Variants in DNAH11 observed in about 807,000 individuals in gnomAD.
DNAH11 encodes dynein axonemal heavy chain 11.
In DNAH11, 442 loss-of-function variants were observed where a neutral mutation model predicts 526.0. The ratio of observed to expected loss-of-function variants is 0.84; its 90% CI spans 0.78 to 0.91. The LOEUF (loss-of-function observed/expected upper bound fraction) is 0.91. Among genes scored for constraint, DNAH11 ranks in the 40% least tolerant of loss-of-function variants. The pLI is 0.00. For synonymous variants in DNAH11, 2,461 were observed against 1,935.9 expected (o/e 1.27, Z -7.12); for missense variants, 6,989 against 5,448.7 (o/e 1.28, Z -8.90).
chr7:21,675,987 G>C (rs938246420), intron 30 of DNAH11, among the ~76,000 whole-genome samples: 1 of 152,182 alleles, frequency 6.6e-6, no homozygotes, highest in Non-Finnish European at 1.5e-5. Flanking sequence ...AAGGATTAGA[G>C]GGAAGATGAC....
rs188273147 is a variant in DNAH11 at position 21,811,295 on chromosome 7, C to T, written c.10332+3246C>T. On this transcript the variant is annotated intron_variant, in intron 63 of 81. Transcript: ENST00000409508. ...CTGGCCAACATGGTGAAACCCCCCC[C>T]CCTACTAAAAATTAGCCAGGCGTGG... Among the ~76,000 whole-genome samples, 6 of 151,390 alleles carry T rather than the reference C, an allele frequency of 4.0e-5. No individual in the cohort carries two copies. In the South Asian group the frequency reaches 1.0e-3, roughly 26 times the overall value.
At chr7:21,691,910 A>G (rs1178394563) in intron 35 of DNAH11, among the ~76,000 whole-genome samples, 1 of 152,206 alleles carries the variant, frequency 6.6e-6, no homozygotes, top group Admixed American at 6.5e-5. Context: ...TTATTTCAGA[A>G]TAGATTTCTA....
intron 74 of DNAH11, among the ~76,000 whole-genome samples, chr7:21,876,363 A>C (rs572406614): frequency 3.8e-4 from 58 of 152,230 alleles, no homozygotes; most frequent in African/African-American, 1.3e-3. Flanking sequence ...AAAATGTTAG[A>C]GTCTTTTATG....
chr7:21,664,130 C>T, intron 30 of DNAH11, among the ~76,000 whole-genome samples: 1 of 103,072 alleles, frequency 9.7e-6, no homozygotes. Flanking sequence ...CTCAATTTCC[C>T]AAAGTTTTTT....
chr7:21,558,429 A>G (rs541267844), intron 2 of DNAH11, among the ~76,000 whole-genome samples: 96 of 152,338 alleles, frequency 6.3e-4, no homozygotes, highest in African/African-American at 2.3e-3. Flanking sequence ...ATTTACTTCT[A>G]GCTTCCATAT....
chr7:21,681,781 A>G (rs190021850), intron 31 of DNAH11, 104 bp downstream of exon 31: 492 of 1,398,288 alleles, frequency 3.5e-4, no homozygotes, highest in Non-Finnish European at 4.5e-4. Flanking sequence ...GAAAGTTTGT[A>G]TGTTTTAATT....
At chr7:21,603,390 G>A (rs1001293813) in intron 18 of DNAH11, among the ~76,000 whole-genome samples, 3 of 152,136 alleles carry the variant, frequency 2.0e-5, no homozygotes, top group Non-Finnish European at 4.4e-5. Flanking sequence ...ATTTATTTGA[G>A]TATCTGTTTT....
chr7:21,733,095 A>C (rs1385837541), intron 45 of DNAH11, among the ~76,000 whole-genome samples: 2 of 152,176 alleles, frequency 1.3e-5, no homozygotes, highest in Non-Finnish European at 2.9e-5. Context: ...AGCAAAGAAG[A>C]AGCAGGGAAG....
At chr7:21,635,456 T>A (rs1786817009) in intron 25 of DNAH11, among the ~76,000 whole-genome samples, 2 of 152,110 alleles carry the variant, frequency 1.3e-5, no homozygotes, top group Admixed American at 6.5e-5. Context: ...GTGCCCGGCC[T>A]ATTTTTTTAA....
At chr7:21,564,715 G>A (rs1375296972) in intron 6 of DNAH11, among the ~76,000 whole-genome samples, 2 of 152,012 alleles carry the variant, frequency 1.3e-5, no homozygotes, top group East Asian at 3.9e-4. Context: ...CCTTCCCTTC[G>A]GTTTTCACAG....
intron 63 of DNAH11, among the ~76,000 whole-genome samples, chr7:21,809,685 T>G (rs774431093): frequency 1.3e-5 from 2 of 152,086 alleles, no homozygotes; most frequent in Admixed American, 6.6e-5. Flanking sequence ...TGCCTCAGCC[T>G]CCCAAGTAGC....
chr7:21,760,170 C>G (rs964229813), intron 54 of DNAH11, among the ~76,000 whole-genome samples: 2 of 152,076 alleles, frequency 1.3e-5, no homozygotes, highest in South Asian at 2.1e-4. Context: ...TTAGGTACTT[C>G]GAGGTAGATG....
Position 21,784,598 on chromosome 7 carries a change from A to T in DNAH11, c.9597+58A>T, listed in dbSNP as rs1788093817. The T allele has an allele frequency of 6.4e-6, 8 of 1,254,378 alleles. No homozygotes were observed. In the South Asian group the frequency reaches 1.1e-4, roughly 17 times the overall value. 77.7% of individuals were successfully genotyped at this position (1,254,378 alleles called of 1,614,324 possible). ...CAAAGTAATATTTAAAGGTTATTAGAGTTTGAATAACTGAGCTGAGAGAGT... is the reference window on the plus strand; with the variant it reads ...CAAAGTAATATTTAAAGGTTATTAGTGTTTGAATAACTGAGCTGAGAGAGT... On this transcript the variant is annotated intron_variant, in intron 58 of 81. Transcript: ENST00000409508.
chr7:21,707,687 C>T lies in DNAH11; in HGVS notation c.6547-12C>T. On this transcript the variant is annotated splice_polypyrimidine_tract_variant and intron_variant, in intron 39 of 81. Coordinates refer to ENST00000409508, the MANE Select transcript of DNAH11 (RefSeq NM_001277115.2). ...GTATTAATTTTTTTGGCTCTTTCCT[C>T]CTTCCCCTCAGATTTTGAGAACACT... 6.2e-7 allele frequency: 1 copy of T among 1,602,754 alleles called. No homozygotes were observed. Among genetic ancestry groups the T allele is most frequent in the Non-Finnish European group, 8.5e-7 (1 of 1,176,490 alleles).
In DNAH11 at chr7:21,810,629, C is replaced by T. The variant is rs183226744; in HGVS notation, c.10332+2580C>T. On this transcript the variant is annotated intron_variant, in intron 63 of 81. Coordinates refer to ENST00000409508, the MANE Select transcript of DNAH11 (RefSeq NM_001277115.2). ...CCACACAGCTTTAAGAAACCCAAGA[C>T]GTATTTGGACAAGATAAGTTTATAA... 4.4e-3 allele frequency among the ~76,000 whole-genome samples: 676 copies of T among 152,158 alleles called. 1 individual carries two copies. Among genetic ancestry groups the T allele is most frequent in the Non-Finnish European group, 6.7e-3 (458 of 68,008 alleles).
chr7:21,849,297 C>A (rs1444639952), intron 66 of DNAH11, among the ~76,000 whole-genome samples: 3 of 152,168 alleles, frequency 2.0e-5, no homozygotes, highest in Non-Finnish European at 2.9e-5. Flanking sequence ...TCATTCATTT[C>A]GTTTATCCAT....
intron 9 of DNAH11, 48 bp downstream of exon 9, chr7:21,582,069 T>A (rs373568375): frequency 8.2e-7 from 1 of 1,226,764 alleles, no homozygotes; most frequent in Admixed American, 1.7e-5. Context: ...ATGAATAATA[T>A]AGGCTGTTAA....
At chr7:21,834,834 G>T (rs1427221085) in intron 65 of DNAH11, among the ~76,000 whole-genome samples, 1 of 151,968 alleles carries the variant, frequency 6.6e-6, no homozygotes, top group African/African-American at 2.4e-5. Flanking sequence ...CTCCAGCCTG[G>T]GTGACAGAGT....
At chr7:21,616,362 C>A (rs1785784527) in intron 22 of DNAH11, 70 bp downstream of exon 22, 5 of 1,263,114 alleles carry the variant, frequency 4.0e-6, no homozygotes, top group Admixed American at 1.9e-5. Context: ...CTTCCCTAAT[C>A]TAGTATCTGG....
Sources: allele counts gnomAD v4.1 joint callset (sites outside exome capture counted in the v4.1 genomes callset), GRCh38; gene constraint gnomAD v4.1.1; transcripts MANE v1.5; gene names NCBI Gene and HGNC (gene_info 2026-07-23, HGNC 2026-07-21).